Variants in NCAN observed in about 807,000 individuals in gnomAD.
NCAN encodes neurocan core protein.
NCAN carries 47 observed loss-of-function variants against 121.8 expected under a neutral mutation model. The observed-to-expected ratio is 0.39, with a 90% CI of 0.31 to 0.49. NCAN has a LOEUF of 0.49. Among genes scored for constraint, NCAN ranks in the 20% least tolerant of loss-of-function variants. The probability of loss-of-function intolerance (pLI) is 0.92; values close to 1 mark genes in which losing one functional copy is unlikely to be tolerated. For missense variants in NCAN, 1,517 were observed against 1,773.4 expected, an observed-to-expected ratio of 0.86 and a Z score of 2.60; for synonymous variants, 633 against 702.0, an observed-to-expected ratio of 0.90 and a Z score of 1.55.
chr19:19,241,530 C>G (rs1024486991), intron 12 of NCAN, among the ~76,000 whole-genome samples: 1 of 152,096 alleles, frequency 6.6e-6, no homozygotes, highest in East Asian at 1.9e-4. Context: ...AAAAATCTGG[C>G]GGTTCCTCAC....
At chr19:19,223,338 G>C (rs1263429688) in intron 3 of NCAN, among the ~76,000 whole-genome samples, 1 of 152,020 alleles carries the variant, frequency 6.6e-6, no homozygotes, top group African/African-American at 2.4e-5. Context: ...TTTGAATTCT[G>C]GTTCTGTTTC....
At chr19:19,234,180 T>G (rs1471159209) in intron 9 of NCAN, among the ~76,000 whole-genome samples, 7 of 152,120 alleles carry the variant, frequency 4.6e-5, no homozygotes. Context: ...CTGAGACTCC[T>G]CCCTGCAAAG....
rs1568603602 is a variant in NCAN at position 19,245,451 on chromosome 19, G to GGCACAGGTATGCTGTGC, written c.3632_3637+11dup. On this transcript the variant is annotated frameshift_variant, in exon 13 of 15. Coordinates refer to ENST00000252575, the MANE Select transcript of NCAN (RefSeq NM_004386.3). LOFTEE classifies it high-confidence loss of function. The stretch of plus-strand genomic sequence containing the variant: ...CAACCTACCCTATGTCTGCAAGAAG[G>GGCACAGGTATGCTGTGC]GCACAGGTATGCTGTGCCCCCTGCT... 1 of 1,613,898 alleles carries GGCACAGGTATGCTGTGC rather than the reference G, an allele frequency of 6.2e-7. No homozygotes were observed. The highest frequency in any genetic ancestry group is 1.3e-5 in the African/African-American group (1 of 75,022).
Position 19,224,367 on chromosome 19 carries a change from C to T in NCAN, c.712C>T (p.Arg238Trp), listed in dbSNP as rs1231624139. 5 of 1,613,914 alleles carry T rather than the reference C, an allele frequency of 3.1e-6. No individual in the cohort carries two copies. Among genetic ancestry groups the T allele is most frequent in the East Asian group, 2.2e-5 (1 of 44,890 alleles). ...YGDRSSLPGV[R>W]SYGRRNPQEL... ...CGACCGTAGCAGCCTTCCAGGGGTTCGGAGCTATGGGAGGCGCAACCCACA... is the reference window on the plus strand; with the variant it reads ...CGACCGTAGCAGCCTTCCAGGGGTTTGGAGCTATGGGAGGCGCAACCCACA... The change falls in exon 5 of 15, where the codon CGG becomes TGG. Residue 238 changes from arginine (R) to tryptophan (W), a missense_variant. By Grantham distance (101) the Arg-to-Trp change is moderately radical. Transcript: ENST00000252575.
chr19:19,245,616 T>C (rs932684181), intron 13 of NCAN, among the ~76,000 whole-genome samples, 159 bp downstream of exon 13: 1 of 152,128 alleles, frequency 6.6e-6, no homozygotes, highest in Non-Finnish European at 1.5e-5. Context: ...TAGGTGGGAC[T>C]ATAGGCATGC....
chr19:19,231,473 C>T (rs1568598993), intron 8 of NCAN, among the ~76,000 whole-genome samples: 1 of 151,866 alleles, frequency 6.6e-6, no homozygotes, highest in Non-Finnish European at 1.5e-5. Context: ...GGATTGTAGG[C>T]GTGCACCACC....
At chr19:19,238,513 C>T (rs573312587) in intron 11 of NCAN, 102 bp downstream of exon 11, 36 of 1,400,670 alleles carry the variant, frequency 2.6e-5, no homozygotes, top group African/African-American at 9.9e-5. Flanking sequence ...GTTTTCAAGA[C>T]GTCATCTTTC....
At chr19:19,224,856 C>A in intron 5 of NCAN, 121 bp from the exon 6 acceptor site, 1 of 882,334 alleles carries the variant, frequency 1.1e-6, no homozygotes, top group Non-Finnish European at 1.6e-6. Flanking sequence ...GCGGTTGTCA[C>A]CGCCTCTTCT....
rs1436588554 is a variant in NCAN at position 19,251,663 on chromosome 19, TA to T, written c.*1753del. 6.6e-6 allele frequency: 1 copy of T among 152,142 alleles called. No individual in the cohort carries two copies. The highest frequency in any genetic ancestry group is 1.5e-5 in the Non-Finnish European group (1 of 68,038). 9.4% of individuals were successfully genotyped at this position (152,142 alleles called of 1,614,324 possible). ...CTGGACTCTGGAGAGGAGATTGAAATATAATTGCACCCTCATACACATTTAG... is the reference window on the plus strand; with the variant it reads ...CTGGACTCTGGAGAGGAGATTGAAATTAATTGCACCCTCATACACATTTAG... On this transcript the variant is annotated 3_prime_UTR_variant, in exon 15 of 15. Transcript: ENST00000252575.
At chr19:19,220,080 C>T (rs1483079418) in intron 3 of NCAN, among the ~76,000 whole-genome samples, 1 of 152,058 alleles carries the variant, frequency 6.6e-6, no homozygotes, top group Non-Finnish European at 1.5e-5. Context: ...TTTAACACCT[C>T]TCTTTTTTAG....
chr19:19,224,211 A>G lies in NCAN; in HGVS notation c.650+16A>G. ...GCACTGTTCGGTGAGGGGGATACACAGGGCAGGGAGATGAAGACTAGCTCA... is the reference window on the plus strand; with the variant it reads ...GCACTGTTCGGTGAGGGGGATACACGGGGCAGGGAGATGAAGACTAGCTCA... On this transcript the variant is annotated intron_variant, in intron 4 of 14. Transcript: ENST00000252575. 1 of 1,584,160 alleles carries G rather than the reference A, an allele frequency of 6.3e-7. No individual in the cohort carries two copies. Among genetic ancestry groups the G allele is most frequent in the South Asian group, 1.1e-5 (1 of 88,364 alleles).
chr19:19,238,473 C>A (rs747137672), intron 11 of NCAN, 62 bp downstream of exon 11: 19 of 1,600,126 alleles, frequency 1.2e-5, no homozygotes, highest in Non-Finnish European at 1.6e-5. Flanking sequence ...ACTTGTAGCC[C>A]TTTTGCCAGG....
chr19:19,219,048 A>T lies in NCAN; in HGVS notation c.207A>T (p.Ala69=). Residue 69 remains alanine, a synonymous_variant, in exon 3 of 15, where the codon GCA becomes GCT. Transcript: ENST00000252575. ...TTACCCTGCAGCCACGGCCAAGCGCAGCCCGAGATGCCCCTCGGATAAAGT... is the reference window on the plus strand; with the variant it reads ...TTACCCTGCAGCCACGGCCAAGCGCTGCCCGAGATGCCCCTCGGATAAAGT... ...CLFTLQPRPS[A]ARDAPRIKWT... 1 of 1,612,148 alleles carries T rather than the reference A, an allele frequency of 6.2e-7. No homozygotes were observed. The highest frequency in any genetic ancestry group is 8.5e-7 in the Non-Finnish European group (1 of 1,178,950).
chr19:19,227,885 G>T lies in NCAN; in HGVS notation c.2265G>T (p.Gly755=). 1.9e-6 allele frequency: 3 copies of T among 1,613,712 alleles called. No individual in the cohort carries two copies. The highest frequency in any genetic ancestry group is 1.7e-5 in the Admixed American group (1 of 60,020). The change falls in exon 8 of 15, where the codon GGG becomes GGT. Residue 755 remains glycine (G), a synonymous_variant. Transcript: ENST00000252575. This position sits in a 1 kb window ranked among gnomAD's most constrained non-coding sequence, Gnocchi z 4.2. Reference sequence around the variant, plus strand: ...CAACGGGCCTCAGGGGTATCCCGGGGTCTGAGTCTGGGGTCTTCGACACAG... The same window carrying T: ...CAACGGGCCTCAGGGGTATCCCGGGTTCTGAGTCTGGGGTCTTCGACACAG... ...TEPTGLRGIP[G]SESGVFDTAE...
chr19:19,215,278 C>T (rs1420142042), intron 1 of NCAN, among the ~76,000 whole-genome samples: 1 of 152,108 alleles, frequency 6.6e-6, no homozygotes, highest in Admixed American at 6.5e-5. Context: ...CTTATGGGGG[C>T]GGGGAGCAAG....
rs529417720 is a variant in NCAN, at chr19:19,233,783, C to T, written c.3020-6C>T. Reference sequence around the variant, plus strand: ...CTCTTCCCCACACTACCCATCCATCCTGCAGTGCACTCAGATCCCTGTGAG... The same window carrying T: ...CTCTTCCCCACACTACCCATCCATCTTGCAGTGCACTCAGATCCCTGTGAG... On this transcript the variant is annotated splice_region_variant and splice_polypyrimidine_tract_variant and intron_variant, in intron 8 of 14. Transcript: ENST00000252575. The T allele has an allele frequency of 4.7e-5, 75 of 1,579,712 alleles. No individual in the cohort carries two copies. In the East Asian group the frequency reaches 1.6e-3, roughly 33 times the overall value.
intron 8 of NCAN, chr19:19,232,962 T>G (rs1002781003): frequency 6.6e-6 from 1 of 151,878 alleles, no homozygotes; most frequent in Non-Finnish European, 1.5e-5. Flanking sequence ...TTTTATGAGA[T>G]GGAGTCTCAC....
chr19:19,216,853 A>AT (rs2060797920), intron 1 of NCAN, 94 bp from the exon 2 acceptor site: 1 of 644,880 alleles, frequency 1.6e-6, no homozygotes, highest in African/African-American at 1.9e-5. Context: ...TGGTTTCCTG[A>AT]TCTGTAGAGT....
In NCAN at chr19:19,227,680, C is replaced by T. The variant is rs2060842836; in HGVS notation, c.2060C>T (p.Thr687Ile). 1.9e-6 allele frequency: 3 copies of T among 1,614,066 alleles called. No individual in the cohort carries two copies. Among genetic ancestry groups the T allele is most frequent in the Non-Finnish European group, 2.5e-6 (3 of 1,180,034 alleles). ...TCCCTGCCTCTCTCTTTGACCCCAACAGGACAGGGTGGAGAGGCCATGCCC... is the reference window on the plus strand; with the variant it reads ...TCCCTGCCTCTCTCTTTGACCCCAATAGGACAGGGTGGAGAGGCCATGCCC... The part of the protein sequence containing the change: ...VYSLPLSLTP[T>I]GQGGEAMPTT... Residue 687 changes from threonine to isoleucine, a missense_variant, in exon 8 of 15, where the codon ACA becomes ATA. Physicochemically the swap from Thr to Ile is moderately conservative, Grantham distance 89 (BLOSUM62 -1). Coordinates refer to ENST00000252575, the MANE Select transcript of NCAN (RefSeq NM_004386.3). This position sits in a 1 kb window ranked among gnomAD's most constrained non-coding sequence, Gnocchi z 4.2.
Sources: allele counts gnomAD v4.1 joint callset (sites outside exome capture counted in the v4.1 genomes callset), GRCh38; gene constraint gnomAD v4.1.1; non-coding constraint Gnocchi (gnomAD v3.1); transcripts MANE v1.5; gene names NCBI Gene and HGNC (gene_info 2026-07-23, HGNC 2026-07-21).